P2RY14: variants seen among roughly 807,000 people sequenced by gnomAD.
The protein encoded by P2RY14 is P2Y purinoceptor 14.
Under a neutral mutation model 0.9 loss-of-function variants are expected in P2RY14, and 2 were observed. That is an observed-to-expected ratio of 2.16 (90% CI 0.88 to 6.79). The LOEUF (loss-of-function observed/expected upper bound fraction) is 6.79, where lower values mean the gene tolerates loss of function less well. Among genes scored for constraint, P2RY14 ranks in the 30% most tolerant of loss-of-function variants. P2RY14 has a pLI of 0.05. For synonymous variants in P2RY14, 158 were observed against 147.2 expected (o/e 1.07, Z -0.53); for missense variants, 378 against 400.1 (o/e 0.94, Z 0.47).
intron 1 of P2RY14, among the ~76,000 whole-genome samples, chr3:151,224,519 T>TG (rs1260578126): frequency 6.6e-6 from 1 of 152,376 alleles, no homozygotes; most frequent in East Asian, 1.9e-4. Context: ...TATTTATAGT[T>TG]GTGTTATTAC....
At chr3:151,267,586 A>T (rs951767675) in intron 1 of P2RY14, among the ~76,000 whole-genome samples, 1 of 152,172 alleles carries the variant, frequency 6.6e-6, no homozygotes, top group South Asian at 2.1e-4. Context: ...AATTTAAAAC[A>T]TTTTTTTAAA....
In P2RY14 at chr3:151,213,315, G is replaced by T. The variant is rs1168852998; in HGVS notation, c.1002C>A (p.Ser334Arg). 1 of 1,608,628 alleles carries T rather than the reference G, an allele frequency of 6.2e-7. No homozygotes were observed. The highest frequency in any genetic ancestry group is 1.3e-5 in the African/African-American group (1 of 74,582). Residue 334 changes from serine to arginine, a missense_variant, in exon 3 of 3, where the codon AGC (serine) becomes AGA (arginine). Coordinates refer to ENST00000309170, the MANE Select transcript of P2RY14 (RefSeq NM_014879.4). ...RIKRGNTTLE[S>R]TDTL ...GGGTAGGAACTCACAAAGTATCTGTGCTTTCAAGTGTTGTATTTCCTCTTT... is the reference window on the plus strand; with the variant it reads ...GGGTAGGAACTCACAAAGTATCTGTTCTTTCAAGTGTTGTATTTCCTCTTT...
chr3:151,273,321 C>T (rs1488499613), intron 1 of P2RY14, among the ~76,000 whole-genome samples: 3 of 148,544 alleles, frequency 2.0e-5, no homozygotes, highest in Non-Finnish European at 4.4e-5. Flanking sequence ...GCCTCTGCCT[C>T]CTGGGTTCAA....
At chr3:151,232,116 C>G (rs1731802717) in intron 1 of P2RY14, among the ~76,000 whole-genome samples, 1 of 152,146 alleles carries the variant, frequency 6.6e-6, no homozygotes, top group African/African-American at 2.4e-5. Context: ...ACCTTTCCTT[C>G]TTACTTTCCT....
chr3:151,234,804 A>G (rs1195097629), intron 1 of P2RY14, among the ~76,000 whole-genome samples: 1 of 152,188 alleles, frequency 6.6e-6, no homozygotes, highest in African/African-American at 2.4e-5. Flanking sequence ...AATGTGGACT[A>G]TCATTAACCC....
chr3:151,245,551 C>T (rs1287118170), intron 1 of P2RY14, among the ~76,000 whole-genome samples: 1 of 149,620 alleles, frequency 6.7e-6, no homozygotes, highest in Non-Finnish European at 1.5e-5. Flanking sequence ...CAGAAAAGGC[C>T]TTTGACAAAA....
intron 1 of P2RY14, among the ~76,000 whole-genome samples, chr3:151,277,876 T>C (rs912383377): frequency 6.6e-6 from 1 of 152,258 alleles, no homozygotes; most frequent in African/African-American, 2.4e-5. Context: ...TGTACACATA[T>C]GCAATTGCAA....
intron 1 of P2RY14, among the ~76,000 whole-genome samples, chr3:151,223,949 A>G (rs942303267): frequency 1.3e-5 from 2 of 152,246 alleles, no homozygotes; most frequent in African/African-American, 4.8e-5. Flanking sequence ...GTGGGAGCTT[A>G]TAAGTGGTAG....
chr3:151,217,665 T>C (rs1728508795), intron 2 of P2RY14, among the ~76,000 whole-genome samples: 1 of 152,224 alleles, frequency 6.6e-6, no homozygotes, highest in South Asian at 2.1e-4. Flanking sequence ...TCTGGTTTGA[T>C]ACAGCAGAGG....
intron 1 of P2RY14, among the ~76,000 whole-genome samples, chr3:151,235,243 T>C (rs184428956): frequency 2.2e-4 from 33 of 152,334 alleles, no homozygotes; most frequent in Non-Finnish European, 4.0e-4. Context: ...TTTTCCTCAG[T>C]CTCATTAAAT....
intron 2 of P2RY14, among the ~76,000 whole-genome samples, chr3:151,219,038 T>C (rs973865074): frequency 6.6e-6 from 1 of 152,190 alleles, no homozygotes; most frequent in Non-Finnish European, 1.5e-5. Context: ...TTGGAGACTT[T>C]GGTAACATAA....
chr3:151,274,425 AT>A (rs1741511397), intron 1 of P2RY14, among the ~76,000 whole-genome samples: 1 of 152,184 alleles, frequency 6.6e-6, no homozygotes, highest in Non-Finnish European at 1.5e-5. Context: ...GGTAGTGCTT[AT>A]AGGCATATTT....
chr3:151,225,329 A>G (rs1432750358), intron 1 of P2RY14, among the ~76,000 whole-genome samples: 4 of 152,192 alleles, frequency 2.6e-5, no homozygotes, highest in Admixed American at 2.0e-4. Flanking sequence ...TGAGTCATTT[A>G]TAAAGAAAGG....
chr3:151,244,996 C>T (rs544380279), intron 1 of P2RY14, among the ~76,000 whole-genome samples: 23 of 132,228 alleles, frequency 1.7e-4, no homozygotes, highest in East Asian at 5.0e-4. Context: ...AACACCTCTA[C>T]GCAAATAAAC....
In P2RY14 at chr3:151,226,752, A is replaced by G. The variant is rs189559589; in HGVS notation, c.-132-7110T>C. Among the ~76,000 whole-genome samples the G allele has an allele frequency of 2.9e-3, 442 of 152,346 alleles. 3 individuals carry two copies. Among genetic ancestry groups the G allele is most frequent in the African/African-American group, 0.01 (425 of 41,572 alleles). ...AGTTATCTTCCAGATACTGCGGCAT[A>G]GAGAACCTCCTTTTGATTTGCCAGT... On this transcript the variant is annotated intron_variant, in intron 1 of 2. Coordinates refer to ENST00000309170, the MANE Select transcript of P2RY14 (RefSeq NM_014879.4).
At chr3:151,231,352 CT>C (rs1317805266) in intron 1 of P2RY14, among the ~76,000 whole-genome samples, 2 of 152,198 alleles carry the variant, frequency 1.3e-5, no homozygotes, top group East Asian at 3.8e-4. Flanking sequence ...TGAAAACATA[CT>C]CCCCCATCAT....
chr3:151,260,307 C>T (rs969273317), intron 1 of P2RY14, among the ~76,000 whole-genome samples: 1 of 152,056 alleles, frequency 6.6e-6, no homozygotes, highest in South Asian at 2.1e-4. Flanking sequence ...CTCTCATTTC[C>T]TTCTTAATCT....
rs373150217 is a variant in P2RY14 at position 151,218,797 on chromosome 3, G to A, written c.-25+738C>T. ...CAGGAGAATTGCTTGAACCTGGGAG[G>A]CGGAGGTTGCAGTGAGCCGAGATCC... On this transcript the variant is annotated intron_variant, in intron 2 of 2. Transcript: ENST00000309170. Among the ~76,000 whole-genome samples the A allele has an allele frequency of 1.8e-4, 26 of 147,968 alleles. No homozygotes were observed. In the East Asian group the frequency reaches 2.0e-3, roughly 11 times the overall value.
In P2RY14 at chr3:151,247,885, G is replaced by A. The variant is rs560776308; in HGVS notation, c.-132-28243C>T. ...AGCTCTGCCTTCCCTTAGTTGCAGT[G>A]TTCTTATAATGTATTCAGAAGACAG... is the stretch of plus-strand genomic sequence containing the variant. On this transcript the variant is annotated intron_variant, in intron 1 of 2. Coordinates refer to ENST00000309170, the MANE Select transcript of P2RY14 (RefSeq NM_014879.4). Among the ~76,000 whole-genome samples the A allele has an allele frequency of 2.0e-5, 3 of 148,200 alleles. No individual in the cohort carries two copies. In the East Asian group the frequency reaches 6.0e-4, roughly 29 times the overall value.
Sources: gnomAD v4.1 joint callset for allele counts (sites outside exome capture counted in the v4.1 genomes callset) on GRCh38, gnomAD v4.1.1 for gene constraint, MANE v1.5 for transcripts, NCBI Gene and HGNC (gene_info 2026-07-23, HGNC 2026-07-21) for gene names.